The following TOLLIP variants were observed in gnomAD, a reference collection of about 807,000 sequenced individuals.
TOLLIP encodes the protein toll-interacting protein.
A neutral mutation model predicts 33.5 loss-of-function variants in TOLLIP; 16 were observed. The ratio of observed to expected loss-of-function variants is 0.48; its 90% CI spans 0.32 to 0.72. The LOEUF (loss-of-function observed/expected upper bound fraction) is 0.72, where lower values mean the gene tolerates loss of function less well. Ranked by LOEUF, TOLLIP falls within the 30% of genes least tolerant of loss-of-function variation. The pLI is 0.03. For synonymous variants in TOLLIP, 176 were observed against 163.7 expected, an observed-to-expected ratio of 1.07 and a Z score of -0.57; for missense variants, 325 against 396.6, an observed-to-expected ratio of 0.82 and a Z score of 1.53.
chr11:1,309,609 C>A lies in TOLLIP; in HGVS notation c.-111G>T. ...GACAGTTGTCACCTCGAGGCCGCCG[C>A]CGCCACAGTCAGCTGACAGCCGCCG... On this transcript the variant is annotated 5_prime_UTR_variant, in exon 1 of 6. Transcript: ENST00000317204. The A allele has an allele frequency of 2.4e-6, 1 of 416,970 alleles. No homozygotes were observed. Among genetic ancestry groups the A allele is most frequent in the Non-Finnish European group, 3.9e-6 (1 of 256,616 alleles). The allele number at this position is 416,970 out of a possible 1,614,324, so 25.8% of individuals were successfully genotyped here.
rs1169556660 is a variant in TOLLIP, at chr11:1,286,031, T to C, written c.581A>G (p.Gln194Arg). 6.3e-7 allele frequency: 1 copy of C among 1,599,292 alleles called. No homozygotes were observed. The change falls in exon 5 of 6, where the codon CAG becomes CGG. Residue 194 changes from glutamine (Q) to arginine (R), a missense_variant. By Grantham distance (43) the Gln-to-Arg change is conservative. Coordinates refer to ENST00000317204, the MANE Select transcript of TOLLIP (RefSeq NM_019009.4). ...QPVVLMPTVY[Q>R]QGVGYVPITG... is the part of the protein sequence containing the mutation. ...GATGGGCACATAGCCAACGCCCTGCTGGTACACTGTTGGCATCAGGACCAC... is the reference window on the plus strand; with the variant it reads ...GATGGGCACATAGCCAACGCCCTGCCGGTACACTGTTGGCATCAGGACCAC...
intron 1 of TOLLIP, among the ~76,000 whole-genome samples, chr11:1,304,156 C>A (rs1211752557): frequency 6.6e-6 from 1 of 152,062 alleles, no homozygotes; most frequent in Non-Finnish European, 1.5e-5. Context: ...GACATCCACT[C>A]CCGGGCTGCT....
At chr11:1,305,140 C>T (rs554603093) in intron 1 of TOLLIP, among the ~76,000 whole-genome samples, 1 of 152,306 alleles carries the variant, frequency 6.6e-6, no homozygotes, top group African/African-American at 2.4e-5. Flanking sequence ...CCGTGGGTCC[C>T]CACACAGTGA....
At chr11:1,298,658 G>A (rs1453874812) in intron 1 of TOLLIP, 1 of 152,284 alleles carries the variant, frequency 6.6e-6, no homozygotes, top group African/African-American at 2.4e-5. Flanking sequence ...GGAAAAGAGG[G>A]TTTTTAAACA....
At chr11:1,300,646 G>A (rs1054231014) in intron 1 of TOLLIP, among the ~76,000 whole-genome samples, 1 of 151,740 alleles carries the variant, frequency 6.6e-6, no homozygotes, top group African/African-American at 2.4e-5. Flanking sequence ...ATACGTTTCC[G>A]ACTGAGAGTG....
In TOLLIP at chr11:1,283,238, C is replaced by G. The variant is rs533465020; in HGVS notation, c.610+2764G>C. ...CCCGGGGAAACTCAGCCCTACCCTG[C>G]AAGGCCACGTCAGCAGCCCCACCAG... is the stretch of plus-strand genomic sequence containing the variant. On this transcript the variant is annotated intron_variant, in intron 5 of 5. Transcript: ENST00000317204. 9.7e-5 allele frequency: 23 copies of G among 237,412 alleles called. No individual in the cohort carries two copies. In the East Asian group the frequency reaches 2.5e-3, roughly 26 times the overall value. The allele number at this position is 237,412 out of a possible 1,614,324, so 14.7% of individuals were successfully genotyped here. A position where few individuals can be genotyped will look rare whatever the true frequency, so the allele number is the denominator to read the frequency against.
At chr11:1,280,737 CAGG>C (rs1299085915) in intron 5 of TOLLIP, among the ~76,000 whole-genome samples, 1 of 152,012 alleles carries the variant, frequency 6.6e-6, no homozygotes, top group Admixed American at 6.6e-5. Flanking sequence ...TGGAAAGCAA[CAGG>C]AGGAGGGAAA....
At position 1,309,587 on chromosome 11, in the gene TOLLIP, A is replaced by G. The variant is rs1864534402; in HGVS notation, c.-89T>C. 1.6e-6 allele frequency: 1 copy of G among 626,816 alleles called. No homozygotes were observed. The highest frequency in any genetic ancestry group is 2.3e-6 in the Non-Finnish European group (1 of 440,438). The allele number at this position is 626,816 out of a possible 1,614,324, so 38.8% of individuals were successfully genotyped here. On this transcript the variant is annotated 5_prime_UTR_variant, in exon 1 of 6. Coordinates refer to ENST00000317204, the MANE Select transcript of TOLLIP (RefSeq NM_019009.4). ...CCCCGCCGGAGCCTGCGACGGAGAC[A>G]GTTGTCACCTCGAGGCCGCCGCCGC...
In TOLLIP at chr11:1,278,601, A is replaced by G. The variant is rs1863387447; in HGVS notation, c.611-1348T>C. On this transcript the variant is annotated intron_variant, in intron 5 of 5. Coordinates refer to ENST00000317204, the MANE Select transcript of TOLLIP (RefSeq NM_019009.4). The surrounding 1 kb of genome is among the most constrained non-coding windows in gnomAD (Gnocchi z 4.7). ...TCTAGGCCAGGCCGACTCTTCCTCC[A>G]CACCCACCCCTGCCTCCTCTGCTTC... Among the ~76,000 whole-genome samples the G allele has an allele frequency of 6.6e-6, 1 of 151,988 alleles. No individual in the cohort carries two copies. Among genetic ancestry groups the G allele is most frequent in the African/African-American group, 2.4e-5 (1 of 41,364 alleles).
intron 1 of TOLLIP, among the ~76,000 whole-genome samples, chr11:1,297,433 T>C (rs1374639888): frequency 6.6e-6 from 1 of 152,154 alleles, no homozygotes; most frequent in African/African-American, 2.4e-5. Flanking sequence ...ACCCGGACGA[T>C]CCAGGCACCG....
At chr11:1,293,772 TCACCAGGC>T (rs1864024679) in intron 2 of TOLLIP, among the ~76,000 whole-genome samples, 1 of 152,202 alleles carries the variant, frequency 6.6e-6, no homozygotes, top group Non-Finnish European at 1.5e-5. Context: ...TGCCCTGCGG[TCACCAGGC>T]CCTGCCAGGA....
intron 1 of TOLLIP, among the ~76,000 whole-genome samples, chr11:1,302,182 G>A (rs908184844): frequency 3.3e-5 from 5 of 152,244 alleles, no homozygotes; most frequent in Non-Finnish European, 7.3e-5. Flanking sequence ...CCATCCACCC[G>A]ATGCCCGCAC....
chr11:1,280,954 G>C (rs1026238705), intron 5 of TOLLIP, among the ~76,000 whole-genome samples: 4 of 152,220 alleles, frequency 2.6e-5, no homozygotes, highest in African/African-American at 7.2e-5. Flanking sequence ...AAGAACGCAC[G>C]GGAAATTGAG....
At chr11:1,309,029 C>T (rs988006712) in intron 1 of TOLLIP, among the ~76,000 whole-genome samples, 2 of 152,080 alleles carry the variant, frequency 1.3e-5, no homozygotes, top group African/African-American at 4.8e-5. Context: ...ACCTGGGGGA[C>T]CATTAGGGTG....
At chr11:1,283,216 G>A (rs193120829) in intron 5 of TOLLIP, 4 of 201,542 alleles carry the variant, frequency 2.0e-5, no homozygotes, top group South Asian at 1.6e-4. Flanking sequence ...CAGCAGCCCC[G>A]GGGAAACTCA....
intron 5 of TOLLIP, among the ~76,000 whole-genome samples, chr11:1,279,518 C>T (rs532871403): frequency 1.3e-3 from 197 of 152,298 alleles, no homozygotes; most frequent in African/African-American, 4.7e-3. Flanking sequence ...AGAGAGGACG[C>T]CATGGGAGCC....
intron 1 of TOLLIP, chr11:1,302,921 G>T: frequency 3.1e-6 from 1 of 318,120 alleles, no homozygotes; most frequent in Non-Finnish European, 4.5e-6. Context: ...GCCTTCCTCA[G>T]ACAGGGCTTT....
chr11:1,304,439 A>C (rs1024494232), intron 1 of TOLLIP, among the ~76,000 whole-genome samples: 1 of 152,364 alleles, frequency 6.6e-6, no homozygotes, highest in East Asian at 1.9e-4. Flanking sequence ...AGAGAAACAC[A>C]GAAGGAAATC....
chr11:1,291,992 C>T lies in TOLLIP; in HGVS notation c.184-1583G>A, dbSNP rs369758521. The T allele has an allele frequency of 2.0e-5, 3 of 152,566 alleles. No homozygotes were observed. In the East Asian group the frequency reaches 5.8e-4, roughly 29 times the overall value. 9.5% of individuals were successfully genotyped at this position (152,566 alleles called of 1,614,324 possible). On this transcript the variant is annotated intron_variant, in intron 2 of 5. Coordinates refer to ENST00000317204, the MANE Select transcript of TOLLIP (RefSeq NM_019009.4). The stretch of plus-strand genomic sequence containing the variant: ...TCCACATACAAGTTCCCTCCTTTCA[C>T]TTCTAATCAAAGCTGTGGCCGGTCC...
Sources: gnomAD v4.1 joint callset for allele counts (sites outside exome capture counted in the v4.1 genomes callset) on GRCh38, gnomAD v4.1.1 for gene constraint, Gnocchi (gnomAD v3.1) non-coding constraint, MANE v1.5 for transcripts, NCBI Gene and HGNC (gene_info 2026-07-23, HGNC 2026-07-21) for gene names.